The following RBFOX1 variants were observed in gnomAD, a reference collection of about 807,000 sequenced individuals.
The protein encoded by RBFOX1 is RNA binding protein fox-1 homolog 1.
A neutral mutation model predicts 57.7 loss-of-function variants in RBFOX1; 8 were observed. The observed-to-expected ratio is 0.14, with a 90% CI of 0.08 to 0.25. RBFOX1 has a LOEUF of 0.25. Ranked by LOEUF, RBFOX1 falls within the 10% of genes least tolerant of loss-of-function variation. The pLI is 1.00. For missense variants in RBFOX1, 611 were observed against 548.5 expected (o/e 1.11, Z -1.14); for synonymous variants, 326 against 222.4 (o/e 1.47, Z -4.15).
intron 4 of RBFOX1, among the ~76,000 whole-genome samples, chr16:7,382,393 T>C (rs1210042920): frequency 1.3e-5 from 2 of 152,260 alleles, no homozygotes; most frequent in East Asian, 3.8e-4. Flanking sequence ...ATTTTTCATA[T>C]CTTTTCTAGA....
intron 3 of RBFOX1, among the ~76,000 whole-genome samples, chr16:6,801,540 T>C (rs981830938): frequency 1.3e-5 from 2 of 152,082 alleles, no homozygotes; most frequent in African/African-American, 4.8e-5. Context: ...GTCAGGGCCC[T>C]TGAAATTTAG....
intron 3 of RBFOX1, among the ~76,000 whole-genome samples, chr16:6,832,389 A>G (rs2092770427): frequency 1.3e-5 from 2 of 152,322 alleles, no homozygotes; most frequent in South Asian, 2.1e-4. Flanking sequence ...TGATTTCCCC[A>G]GATTGCTACT....
intron 4 of RBFOX1, among the ~76,000 whole-genome samples, chr16:7,158,863 G>T (rs1005595582): frequency 1.3e-5 from 2 of 152,182 alleles, no homozygotes; most frequent in Middle Eastern, 3.4e-3. Flanking sequence ...GCATGTGTGT[G>T]TATGGTTTCT....
At chr16:6,280,800 T>C (rs2152697615) in intron 1 of RBFOX1, among the ~76,000 whole-genome samples, 2 of 152,128 alleles carry the variant, frequency 1.3e-5, no homozygotes, top group East Asian at 3.9e-4. Flanking sequence ...AACAGGGGCT[T>C]GCTTACCAAC....
At chr16:6,592,895 G>C (rs1276753572) in intron 2 of RBFOX1, among the ~76,000 whole-genome samples, 1 of 152,168 alleles carries the variant, frequency 6.6e-6, no homozygotes, top group Non-Finnish European at 1.5e-5. Flanking sequence ...ATTATGCAGA[G>C]AGAGTGGAGA....
At chr16:7,306,341 C>G (rs2096184710) in intron 4 of RBFOX1, among the ~76,000 whole-genome samples, 1 of 152,162 alleles carries the variant, frequency 6.6e-6, no homozygotes, top group African/African-American at 2.4e-5. Context: ...TCCAGGCAGT[C>G]TCTCCCACGA....
At chr16:6,401,112 G>A (rs2152953177) in intron 2 of RBFOX1, among the ~76,000 whole-genome samples, 1 of 152,240 alleles carries the variant, frequency 6.6e-6, no homozygotes, top group Non-Finnish European at 1.5e-5. Context: ...GGTGATTCCA[G>A]AACTGGGGCA....
intron 4 of RBFOX1, among the ~76,000 whole-genome samples, chr16:7,489,568 T>C (rs1344229840): frequency 6.6e-6 from 1 of 152,124 alleles, no homozygotes; most frequent in African/African-American, 2.4e-5. Context: ...CAGGCTGGAA[T>C]GCGGTGGTAC....
At chr16:7,546,532 T>C (rs1429831692) in intron 5 of RBFOX1, among the ~76,000 whole-genome samples, 1 of 152,150 alleles carries the variant, frequency 6.6e-6, no homozygotes, top group Non-Finnish European at 1.5e-5. Flanking sequence ...TTTCATCACC[T>C]CGTTGACCAC....
At chr16:6,385,612 G>A (rs9940855) in intron 2 of RBFOX1, among the ~76,000 whole-genome samples, 2,280 of 152,266 alleles carry the variant, frequency 0.015, 63 homozygotes, top group African/African-American at 0.052. Flanking sequence ...CACCTGCCTC[G>A]GCCTCCCGAT....
At chr16:6,147,235 C>T (rs886711323) in intron 1 of RBFOX1, among the ~76,000 whole-genome samples, 7 of 152,166 alleles carry the variant, frequency 4.6e-5, no homozygotes, top group Non-Finnish European at 8.8e-5. Context: ...GCTCTCTTAG[C>T]GTCCTCTGCT....
intron 1 of RBFOX1, among the ~76,000 whole-genome samples, chr16:5,273,476 T>C (rs12921554): frequency 1.3e-5 from 2 of 151,902 alleles, no homozygotes; most frequent in African/African-American, 4.8e-5. Flanking sequence ...CTTCCAAAGA[T>C]CTCAGATGCC....
chr16:7,576,566 A>G (rs1030936251), intron 5 of RBFOX1, among the ~76,000 whole-genome samples: 1 of 152,180 alleles, frequency 6.6e-6, no homozygotes, highest in Non-Finnish European at 1.5e-5. Context: ...ACGCATTTGT[A>G]TATAAGCATA....
chr16:5,830,966 A>T (rs893837681), intron 3 of RBFOX1, among the ~76,000 whole-genome samples: 1 of 115,324 alleles, frequency 8.7e-6, no homozygotes, highest in East Asian at 3.3e-4. Flanking sequence ...ACCATTTCCT[A>T]TCCCCCCCCA....
intron 1 of RBFOX1, among the ~76,000 whole-genome samples, chr16:6,203,938 A>C (rs147011965): frequency 6.6e-6 from 1 of 150,982 alleles, no homozygotes; most frequent in East Asian, 1.9e-4. Flanking sequence ...AAATCATATT[A>C]ACTCTCAACC....
intron 1 of RBFOX1, among the ~76,000 whole-genome samples, chr16:5,401,363 T>C (rs2066709010): frequency 6.6e-6 from 1 of 152,166 alleles, no homozygotes; most frequent in African/African-American, 2.4e-5. Flanking sequence ...TAGCGTATGA[T>C]CAATGTTCCT....
chr16:6,967,419 A>C (rs2084514127), intron 3 of RBFOX1, among the ~76,000 whole-genome samples: 1 of 152,200 alleles, frequency 6.6e-6, no homozygotes, highest in Admixed American at 6.5e-5. Flanking sequence ...AGTTGAAGCC[A>C]GTTCCAAAAA....
At chr16:5,845,866 T>C (rs1181186945) in intron 3 of RBFOX1, among the ~76,000 whole-genome samples, 2 of 152,102 alleles carry the variant, frequency 1.3e-5, no homozygotes, top group African/African-American at 2.4e-5. Flanking sequence ...TTGAGGGTAA[T>C]GAGTTAAGAA....
chr16:6,740,895 A>T (rs1403666547), intron 3 of RBFOX1, among the ~76,000 whole-genome samples: 1 of 152,236 alleles, frequency 6.6e-6, no homozygotes, highest in Non-Finnish European at 1.5e-5. Flanking sequence ...TAGAAAAGCA[A>T]AGAAACTAGA....
Sources: allele counts gnomAD v4.1 joint callset (sites outside exome capture counted in the v4.1 genomes callset), GRCh38; gene constraint gnomAD v4.1.1; transcripts MANE v1.5; gene names NCBI Gene and HGNC (gene_info 2026-07-23, HGNC 2026-07-21).